Variants in UBR4 observed in about 807,000 individuals in gnomAD.
UBR4 encodes ubiquitin protein ligase E3 component n-recognin 4, also known as E3 ubiquitin-protein ligase UBR4.
UBR4 carries 124 observed loss-of-function variants against 575.6 expected under a neutral mutation model. That is an observed-to-expected ratio of 0.22 (90% CI 0.19 to 0.25). The LOEUF is 0.25. Among genes scored for constraint, UBR4 ranks in the 10% least tolerant of loss-of-function variants. UBR4 has a pLI of 1.00. For synonymous variants in UBR4, 2,455 were observed against 2,473.7 expected (o/e 0.99, Z 0.22); for missense variants, 4,818 against 6,478.8 (o/e 0.74, Z 8.80).
chr1:19,161,291 CATAGTATTCACCT>C, intron 37 of UBR4, 144 bp from the exon 38 acceptor site: 1 of 807,398 alleles, frequency 1.2e-6, no homozygotes, highest in Non-Finnish European at 1.9e-6. Flanking sequence ...TTCTGATCTT[CATAGTATTCACCT>C]AATATCTAAC....
intron 41 of UBR4, 78 bp downstream of exon 41, chr1:19,156,689 A>G: frequency 6.6e-7 from 1 of 1,522,176 alleles, no homozygotes; most frequent in Non-Finnish European, 8.8e-7. Flanking sequence ...AATAAGAAAA[A>G]GTAGTTCTGA....
chr1:19,197,984 C>A lies in UBR4; in HGVS notation c.714G>T (p.Val238=), dbSNP rs1423628984. ...GACTAGCCACGTTCTGAGCTATGAA[C>A]ACATTCTTGGTTTTGATAGCTGAGG... ...DQASAIKTKN[V]FIAQNVASLQ... The change falls in exon 6 of 106, where the codon GTG becomes GTT. Residue 238 remains valine, a synonymous_variant. Coordinates refer to ENST00000375254, the MANE Select transcript of UBR4 (RefSeq NM_020765.3). The A allele has an allele frequency of 1.2e-6, 2 of 1,614,148 alleles. No homozygotes were observed. Among genetic ancestry groups the A allele is most frequent in the Non-Finnish European group, 1.7e-6 (2 of 1,180,042 alleles).
intron 67 of UBR4, 72 bp downstream of exon 67, chr1:19,121,862 T>C (rs2081217651): frequency 6.5e-7 from 1 of 1,535,502 alleles, no homozygotes; most frequent in East Asian, 2.3e-5. Context: ...AGTTCAGTGC[T>C]TGGCATATAG....
Position 19,179,106 on chromosome 1 carries a change from T to C in UBR4, c.2299A>G (p.Lys767Glu), listed in dbSNP as rs964761986. ...TCAGGGTCACCTTGAGCACTGGCTT[T>C]ATGTTGCCAGATGAGCAGGAGGCGT... ...LSRLLLIWQH[K>E]ASAQGDPDVP... Residue 767 changes from lysine to glutamate, a missense_variant, in exon 18 of 106, where the codon AAA becomes GAA. Transcript: ENST00000375254. 1.1e-5 allele frequency: 18 copies of C among 1,614,026 alleles called. No individual in the cohort carries two copies. In the African/African-American group the frequency reaches 1.9e-4, roughly 17 times the overall value.
intron 1 of UBR4, among the ~76,000 whole-genome samples, chr1:19,207,613 A>G (rs2093074695): frequency 6.6e-6 from 1 of 152,232 alleles, no homozygotes; most frequent in Admixed American, 6.5e-5. Context: ...TGGGTGACAC[A>G]GCAAGACTCT....
In UBR4 at chr1:19,104,160, C is replaced by T. The variant is rs2078944025; in HGVS notation, c.12825G>A (p.Lys4275=). The T allele has an allele frequency of 6.2e-7, 1 of 1,614,246 alleles. No homozygotes were observed. The highest frequency in any genetic ancestry group is 2.2e-5 in the East Asian group (1 of 44,884). Residue 4275 remains lysine (K), a synonymous_variant, in exon 87 of 106, where the codon AAG becomes AAA. Coordinates refer to ENST00000375254, the MANE Select transcript of UBR4 (RefSeq NM_020765.3). Reference sequence around the variant, plus strand: ...TCAGCTTGGTCCTCTGCACCACCAGCTTCCGCAAGCACAGGTATCCATTCA... The same window carrying T: ...TCAGCTTGGTCCTCTGCACCACCAGTTTCCGCAAGCACAGGTATCCATTCA... The part of the protein sequence containing the change: ...TVLNGYLCLR[K]LVVQRTKLID...
At chr1:19,138,669 G>A (rs918813967) in intron 59 of UBR4, among the ~76,000 whole-genome samples, 4 of 150,178 alleles carry the variant, frequency 2.7e-5, no homozygotes, top group African/African-American at 5.0e-5. Context: ...CAATAAGATC[G>A]CTTAAAAAAA....
In UBR4 at chr1:19,147,854, A is replaced by C. The variant is rs971163334; in HGVS notation, c.7629+139T>G. The C allele has an allele frequency of 3.0e-6, 4 of 1,317,482 alleles. No individual in the cohort carries two copies. The African/African-American group carries it at 5.9e-5, about 20-fold the overall frequency. 81.6% of individuals were successfully genotyped at this position (1,317,482 alleles called of 1,614,324 possible). ...TGGCACTTGAGAATTTCTCAGGAGA[A>C]ACTCTGTAAAATGTAGGTCTAATCT... is the stretch of plus-strand genomic sequence containing the variant. On this transcript the variant is annotated intron_variant, in intron 51 of 105. Transcript: ENST00000375254.
chr1:19,197,567 CA>C (rs2092535867), intron 7 of UBR4, 102 bp downstream of exon 7: 2 of 1,487,596 alleles, frequency 1.3e-6, no homozygotes, highest in Admixed American at 3.9e-5. Flanking sequence ...GACGAGGTTA[CA>C]GTGAACCGAG....
chr1:19,139,157 G>A lies in UBR4; in HGVS notation c.8657C>T (p.Pro2886Leu). 6.2e-7 allele frequency: 1 copy of A among 1,614,038 alleles called. No homozygotes were observed. Among genetic ancestry groups the A allele is most frequent in the Non-Finnish European group, 8.5e-7 (1 of 1,179,968 alleles). Residue 2886 changes from proline to leucine, a missense_variant, in exon 59 of 106, where the codon CCT becomes CTT. Coordinates refer to ENST00000375254, the MANE Select transcript of UBR4 (RefSeq NM_020765.3). This position sits in a 1 kb window ranked among gnomAD's most constrained non-coding sequence, Gnocchi z 4.2. The part of the protein sequence containing the change: ...ATDGSTLRTS[P>L]ADHGGSVGSE... ...GCCCACACTACCACCGTGGTCAGCAGGAGAGGTCCGAAGGGTAGAACCATC... is the reference window on the plus strand; with the variant it reads ...GCCCACACTACCACCGTGGTCAGCAAGAGAGGTCCGAAGGGTAGAACCATC...
intron 44 of UBR4, 128 bp downstream of exon 44, chr1:19,154,790 G>A (rs762823604): frequency 7.5e-6 from 10 of 1,330,808 alleles, no homozygotes; most frequent in Non-Finnish European, 1.0e-5. Context: ...CCTAGCAGGG[G>A]AGAAAAAAAG....
At chr1:19,085,642 C>T (rs1370055771) in intron 101 of UBR4, among the ~76,000 whole-genome samples, 1 of 152,146 alleles carries the variant, frequency 6.6e-6, no homozygotes, top group South Asian at 2.1e-4. Context: ...GGGTGGGGCA[C>T]CACTCCACAA....
Position 19,122,984 on chromosome 1 carries a change from T to C in UBR4, c.9665A>G (p.Glu3222Gly). ...CAAATCCCGGAGCTGGCGGTACTTC[T>C]CTTTGGATCCACAGATGAAGAGCAG... ...KLLLFICGSK[E>G]KYRQLRDLHT... is the part of the protein sequence containing the mutation. The change falls in exon 66 of 106, where the codon GAG (glutamate) becomes GGG (glycine). Residue 3222 changes from glutamate to glycine, a missense_variant. By Grantham distance (98) the Glu-to-Gly change is moderately conservative. Coordinates refer to ENST00000375254, the MANE Select transcript of UBR4 (RefSeq NM_020765.3). 1 of 1,614,222 alleles carries C rather than the reference T, an allele frequency of 6.2e-7. No homozygotes were observed. Among genetic ancestry groups the C allele is most frequent in the South Asian group, 1.1e-5 (1 of 91,090 alleles).
rs557413903 is a variant in UBR4 at position 19,115,603 on chromosome 1, G to C, written c.10858C>G (p.Leu3620Val). Residue 3620 changes from leucine (L) to valine (V), a missense_variant, in exon 74 of 106, where the codon CTG becomes GTG. This residue lies in a region of UBR4 where 550 missense variants were observed against 791.5 expected (regional missense o/e 0.69). Coordinates refer to ENST00000375254, the MANE Select transcript of UBR4 (RefSeq NM_020765.3). Reference protein sequence around the residue: ...ARWHKAKKVQLTPGQTEVKID... With the variant: ...ARWHKAKKVQVTPGQTEVKID... ...TTCACCTCTGTCTGTCCAGGGGTCA[G>C]CTGAACCTTCTTGGCTTTGTGCCAG... The C allele has an allele frequency of 1.2e-6, 2 of 1,614,198 alleles. No individual in the cohort carries two copies. Among genetic ancestry groups the C allele is most frequent in the Non-Finnish European group, 1.7e-6 (2 of 1,180,018 alleles).
At position 19,081,569 on chromosome 1, in the gene UBR4, G is replaced by T. The variant is rs766632845; in HGVS notation, c.15013C>A (p.Arg5005=). 6.2e-7 allele frequency: 1 copy of T among 1,614,052 alleles called. No individual in the cohort carries two copies. Among genetic ancestry groups the T allele is most frequent in the Non-Finnish European group, 8.5e-7 (1 of 1,180,022 alleles). The change falls in exon 103 of 106, where the codon CGA becomes AGA. Residue 5005 remains arginine, a synonymous_variant. Transcript: ENST00000375254. The part of the protein sequence containing the change: ...HTVLYVLNTT[R]ATSREEKNLQ... Reference sequence around the variant, plus strand: ...TTCTTCTCTTCTCGGGAAGTTGCTCGGGTTCTAGAAGAAAAGCGGCATGAT... The same window carrying T: ...TTCTTCTCTTCTCGGGAAGTTGCTCTGGTTCTAGAAGAAAAGCGGCATGAT...
intron 60 of UBR4, among the ~76,000 whole-genome samples, chr1:19,137,675 A>G (rs1270424693): frequency 6.6e-6 from 1 of 152,240 alleles, no homozygotes; most frequent in East Asian, 1.9e-4. Flanking sequence ...AGAGGATGCC[A>G]TATATTGAGT....
In UBR4 at chr1:19,086,838, A is replaced by G. The variant is rs368278465; in HGVS notation, c.14545-17T>C. The G allele has an allele frequency of 2.8e-4, 444 of 1,613,198 alleles. 3 individuals carry two copies. The highest frequency in any genetic ancestry group is 6.5e-5 in the Non-Finnish European group (77 of 1,179,480). On this transcript the variant is annotated splice_polypyrimidine_tract_variant and intron_variant, in intron 99 of 105. Transcript: ENST00000375254. ...CTTTGTGGGCTGCAAAGACGACAAC[A>G]TAAGGAGAGGGGAGGAGAAACTCCA...
At chr1:19,151,937 T>C in intron 47 of UBR4, 78 bp from the exon 48 acceptor site, 1 of 1,261,556 alleles carries the variant, frequency 7.9e-7, no homozygotes, top group Non-Finnish European at 1.1e-6. Flanking sequence ...TCTCTGACAT[T>C]GTCTCAACAT....
intron 55 of UBR4, among the ~76,000 whole-genome samples, chr1:19,142,920 G>A (rs1231609205): frequency 2.0e-5 from 3 of 151,790 alleles, no homozygotes; most frequent in African/African-American, 2.4e-5. Flanking sequence ...TCAGGAGTTC[G>A]AGACCAGCTT....
Sources: allele counts gnomAD v4.1 joint callset (sites outside exome capture counted in the v4.1 genomes callset), GRCh38; gene constraint gnomAD v4.1.1; regional missense constraint gnomAD v4.1.1; non-coding constraint Gnocchi (gnomAD v3.1); transcripts MANE v1.5; gene names NCBI Gene and HGNC (gene_info 2026-07-23, HGNC 2026-07-21).